FAM131A: variants seen among roughly 807,000 people sequenced by gnomAD.
FAM131A encodes family with sequence similarity 131 member A, also known as protein FAM131A.
In FAM131A, 24 loss-of-function variants were observed where a neutral mutation model predicts 39.2. The ratio of observed to expected loss-of-function variants is 0.61; its 90% CI spans 0.44 to 0.86. The LOEUF (loss-of-function observed/expected upper bound fraction) is 0.86, where lower values mean the gene tolerates loss of function less well. Ranked by LOEUF, FAM131A falls within the 40% of genes least tolerant of loss-of-function variation. FAM131A has a pLI of 0.00. For missense variants in FAM131A, 373 were observed against 481.2 expected, an observed-to-expected ratio of 0.78 and a Z score of 2.10; for synonymous variants, 202 against 206.8, an observed-to-expected ratio of 0.98 and a Z score of 0.20.
Position 184,346,210 on chromosome 3 carries a change from T to G in FAM131A, c.*1240T>G. The G allele has an allele frequency of 4.2e-6, 1 of 235,966 alleles. No homozygotes were observed. The highest frequency in any genetic ancestry group is 8.5e-6 in the Non-Finnish European group (1 of 117,992). 14.6% of individuals were successfully genotyped at this position (235,966 alleles called of 1,614,324 possible). On this transcript the variant is annotated 3_prime_UTR_variant, in exon 6 of 6. Transcript: ENST00000383847. This position sits in a 1 kb window ranked among gnomAD's most constrained non-coding sequence, Gnocchi z 6.0. Reference sequence around the variant, plus strand: ...TTCTATATATAAGTGGCTCATTAGGTGTTTATTTTGTTCTATTTAAGAATT... The same window carrying G: ...TTCTATATATAAGTGGCTCATTAGGGGTTTATTTTGTTCTATTTAAGAATT...
At position 184,345,561 on chromosome 3, in the gene FAM131A, T is replaced by C; in HGVS notation, c.*591T>C. On this transcript the variant is annotated 3_prime_UTR_variant, in exon 6 of 6. Coordinates refer to ENST00000383847, the MANE Select transcript of FAM131A (RefSeq NM_144635.5). ...ATCGTCTCTAAATCTTCCTCTTTTT[T>C]CCTAAAGACAGAAGGTTTTTGGTCT... 1 of 703,282 alleles carries C rather than the reference T, an allele frequency of 1.4e-6. No homozygotes were observed. Among genetic ancestry groups the C allele is most frequent in the East Asian group, 2.7e-5 (1 of 37,278 alleles). The allele number at this position is 703,282 out of a possible 1,614,324, so 43.6% of individuals were successfully genotyped here.
intron 3 of FAM131A, 90 bp from the exon 4 acceptor site, chr3:184,341,976 A>T (rs746776656): frequency 6.4e-7 from 1 of 1,554,698 alleles, no homozygotes; most frequent in South Asian, 1.1e-5. Flanking sequence ...GTTCACATGG[A>T]TCCTAACTAC....
At position 184,342,792 on chromosome 3, in the gene FAM131A, C is replaced by T; in HGVS notation, c.557C>T (p.Ser186Phe). 1 of 1,614,012 alleles carries T rather than the reference C, an allele frequency of 6.2e-7. No homozygotes were observed. Among genetic ancestry groups the T allele is most frequent in the Non-Finnish European group, 8.5e-7 (1 of 1,179,934 alleles). ...GCGGAAGCCAAGCTCCGAGCATGGT[C>T]TTCGGTGGATGGCGAGGACTCCACT... The part of the protein sequence containing the change: ...AIAEAKLRAW[S>F]SVDGEDSTDD... The change falls in exon 5 of 6, where the codon TCT becomes TTT. Residue 186 changes from serine to phenylalanine, a missense_variant. Around this residue, in one of 2 missense-constraint regions of FAM131A, gnomAD observed 221 missense variants for 347.7 expected, o/e 0.64. Coordinates refer to ENST00000383847, the MANE Select transcript of FAM131A (RefSeq NM_144635.5). This position sits in a 1 kb window ranked among gnomAD's most constrained non-coding sequence, Gnocchi z 4.6.
chr3:184,342,924 A>T lies in FAM131A; in HGVS notation c.625+64A>T. 1 of 1,382,692 alleles carries T rather than the reference A, an allele frequency of 7.2e-7. No individual in the cohort carries two copies. The highest frequency in any genetic ancestry group is 1.2e-5 in the South Asian group (1 of 85,256). The allele number at this position is 1,382,692 out of a possible 1,614,324, so 85.7% of individuals were successfully genotyped here. On this transcript the variant is annotated intron_variant, in intron 5 of 5. Coordinates refer to ENST00000383847, the MANE Select transcript of FAM131A (RefSeq NM_144635.5). The surrounding 1 kb of genome is among the most constrained non-coding windows in gnomAD (Gnocchi z 4.6). ...CTGATAGACCTTGGCATTCTTTCAG[A>T]GCCACATCCAGAACACTCTCAGCCT...
rs1180776527 is a variant in FAM131A, at chr3:184,342,745, A to G, written c.510A>G (p.Gly170=). The stretch of plus-strand genomic sequence containing the variant: ...TTATGCATTCTGTCCCTGCGACAGG[A>G]GTGGCTGAGCAGTTTGCCATCGCGG... The part of the protein sequence containing the change: ...EGEQEARFAA[G]VAEQFAIAEA... Residue 170 remains glycine (G), a splice_region_variant and synonymous_variant, in exon 5 of 6, where the codon GGA becomes GGG. Transcript: ENST00000383847. This position sits in a 1 kb window ranked among gnomAD's most constrained non-coding sequence, Gnocchi z 4.6. 6.2e-7 allele frequency: 1 copy of G among 1,612,552 alleles called. No homozygotes were observed. The highest frequency in any genetic ancestry group is 1.7e-5 in the Admixed American group (1 of 59,978).
rs927106899 is a variant in FAM131A at position 184,346,135 on chromosome 3, T to G, written c.*1165T>G. 5.2e-6 allele frequency: 1 copy of G among 192,182 alleles called. No individual in the cohort carries two copies. The highest frequency in any genetic ancestry group is 2.4e-5 in the African/African-American group (1 of 42,354). The allele number at this position is 192,182 out of a possible 1,614,324, so 11.9% of individuals were successfully genotyped here. ...TTAGAATTAAGGGCCTTGTAGGCTT[T>G]GGCAGGTAAGAGGGCCCAAGGTAAG... On this transcript the variant is annotated 3_prime_UTR_variant, in exon 6 of 6. Coordinates refer to ENST00000383847, the MANE Select transcript of FAM131A (RefSeq NM_144635.5). This position sits in a 1 kb window ranked among gnomAD's most constrained non-coding sequence, Gnocchi z 6.0.
In FAM131A at chr3:184,344,793, G is replaced by A. The variant is rs145026576; in HGVS notation, c.924G>A (p.Ser308=). ...PLEAQDSLYN[S]PLTESCLSPA... ...AGGCCCAGGACTCACTCTACAACTCGCCCCTCACAGAGTCCTGCCTTTCCC... is the reference window on the plus strand; with the variant it reads ...AGGCCCAGGACTCACTCTACAACTCACCCCTCACAGAGTCCTGCCTTTCCC... The change falls in exon 6 of 6, where the codon TCG becomes TCA. Residue 308 remains serine (S), a synonymous_variant. Coordinates refer to ENST00000383847, the MANE Select transcript of FAM131A (RefSeq NM_144635.5). 149 of 1,612,082 alleles carry A rather than the reference G, an allele frequency of 9.2e-5. 2 individuals carry two copies. In the East Asian group the frequency reaches 2.5e-3, roughly 27 times the overall value.
chr3:184,345,106 TG>T lies in FAM131A; in HGVS notation c.*137del, dbSNP rs1727580341. On this transcript the variant is annotated 3_prime_UTR_variant, in exon 6 of 6. Transcript: ENST00000383847. ...CTCCTGGGAGCGCTCGCTTCTCCGT[TG>T]TGTGTTTTGCATGAAAGTGTTTGGA... 2 of 839,208 alleles carry T rather than the reference TG, an allele frequency of 2.4e-6. No individual in the cohort carries two copies. The highest frequency in any genetic ancestry group is 6.3e-5 in the Admixed American group (2 of 31,732). The allele number at this position is 839,208 out of a possible 1,614,324, so 52.0% of individuals were successfully genotyped here.
At chr3:184,343,400 T>C (rs1727471837) in intron 5 of FAM131A, among the ~76,000 whole-genome samples, 1 of 152,234 alleles carries the variant, frequency 6.6e-6, no homozygotes, top group Non-Finnish European at 1.5e-5. Context: ...TCTGGGCCAG[T>C]GCTTGCAGAG....
chr3:184,337,958 C>G (rs1727192992), intron 1 of FAM131A, among the ~76,000 whole-genome samples: 1 of 152,084 alleles, frequency 6.6e-6, no homozygotes, highest in Admixed American at 6.6e-5. Flanking sequence ...CCAGCTGAGG[C>G]TGGCGAGAGG....
Position 184,342,694 on chromosome 3 carries a change from C to T in FAM131A, c.509-50C>T. ...TCCTCTCTCCTGTCTTCAAGCTGAG[C>T]CCTAGACTTAGCTCACCTTCTCTGC... On this transcript the variant is annotated intron_variant, in intron 4 of 5. Coordinates refer to ENST00000383847, the MANE Select transcript of FAM131A (RefSeq NM_144635.5). This position sits in a 1 kb window ranked among gnomAD's most constrained non-coding sequence, Gnocchi z 4.6. 6.6e-7 allele frequency: 1 copy of T among 1,524,326 alleles called. No homozygotes were observed. The highest frequency in any genetic ancestry group is 9.1e-7 in the Non-Finnish European group (1 of 1,103,662). The allele number at this position is 1,524,326 out of a possible 1,614,324, so 94.4% of individuals were successfully genotyped here.
At position 184,344,765 on chromosome 3, in the gene FAM131A, T is replaced by C. The variant is rs1471710599; in HGVS notation, c.896T>C (p.Leu299Pro). Residue 299 changes from leucine to proline, a missense_variant, in exon 6 of 6, where the codon CTG becomes CCG. Physicochemically the swap from Leu to Pro is moderately conservative, Grantham distance 98. Around this residue, in one of 2 missense-constraint regions of FAM131A, gnomAD observed 152 missense variants for 133.5 expected, o/e 1.14. Coordinates refer to ENST00000383847, the MANE Select transcript of FAM131A (RefSeq NM_144635.5). ...RESAFRSLGP[L>P]EAQDSLYNSP... ...AGTGCCTTCCGCAGCCTGGGCCCAC[T>C]GGAGGCCCAGGACTCACTCTACAAC... is the stretch of plus-strand genomic sequence containing the variant. 2.5e-6 allele frequency: 4 copies of C among 1,612,194 alleles called. No individual in the cohort carries two copies. The highest frequency in any genetic ancestry group is 3.4e-6 in the Non-Finnish European group (4 of 1,179,936).
chr3:184,338,355 C>T (rs1200511295), intron 1 of FAM131A, 32 bp from the exon 2 acceptor site: 3 of 1,419,100 alleles, frequency 2.1e-6, no homozygotes, highest in Middle Eastern at 1.8e-4. Flanking sequence ...GAAGTAGGGG[C>T]ACAGCTCAAC....
In FAM131A at chr3:184,342,886, G is replaced by A. The variant is rs1560243402; in HGVS notation, c.625+26G>A. The A allele has an allele frequency of 2.5e-6, 4 of 1,580,444 alleles. No individual in the cohort carries two copies. Among genetic ancestry groups the A allele is most frequent in the Non-Finnish European group, 3.5e-6 (4 of 1,150,732 alleles). On this transcript the variant is annotated intron_variant, in intron 5 of 5. Coordinates refer to ENST00000383847, the MANE Select transcript of FAM131A (RefSeq NM_144635.5). This position sits in a 1 kb window ranked among gnomAD's most constrained non-coding sequence, Gnocchi z 4.6. The stretch of plus-strand genomic sequence containing the variant: ...GTGAGGGACATCCTGGGCTAGGGCT[G>A]TGGTGGACCCACCTGATAGACCTTG...
Position 184,342,107 on chromosome 3 carries a change from G to T in FAM131A, c.367G>T (p.Ala123Ser), listed in dbSNP as rs868687142. 1 of 1,614,184 alleles carries T rather than the reference G, an allele frequency of 6.2e-7. No individual in the cohort carries two copies. Among genetic ancestry groups the T allele is most frequent in the African/African-American group, 1.3e-5 (1 of 75,046 alleles). ...GAAGGACCACGTGACCAAGCCTACC[G>T]CCATGGCCCAGGGCCGAGTGGCTCA... ...VVKDHVTKPT[A>S]MAQGRVAHLI... The change falls in exon 4 of 6, where the codon GCC (alanine) becomes TCC (serine). Residue 123 changes from alanine (A) to serine (S), a missense_variant. Transcript: ENST00000383847. The surrounding 1 kb of genome is among the most constrained non-coding windows in gnomAD (Gnocchi z 4.6).
intron 2 of FAM131A, chr3:184,339,390 C>T (rs1185508314): frequency 6.6e-6 from 1 of 152,258 alleles, no homozygotes; most frequent in Admixed American, 6.5e-5. Context: ...AGTTCCTTTT[C>T]CTGGAGGCAG....
In FAM131A at chr3:184,338,755, G is replaced by A. The variant is rs534955077; in HGVS notation, c.231+226G>A. On this transcript the variant is annotated intron_variant, in intron 2 of 5. Coordinates refer to ENST00000383847, the MANE Select transcript of FAM131A (RefSeq NM_144635.5). ...TCCGCGCTGACGTCAGCGCATCCCG[G>A]GCCGTATCCCGGGAGACCCTGTTGC... 5.1e-4 allele frequency: 262 copies of A among 517,718 alleles called. 6 individuals carry two copies. The South Asian group carries it at 5.4e-3, about 11-fold the overall frequency. The allele number at this position is 517,718 out of a possible 1,614,324, so 32.1% of individuals were successfully genotyped here.
rs1490526955 is a variant in FAM131A at position 184,338,678 on chromosome 3, G to C, written c.231+149G>C. 17 of 1,014,616 alleles carry C rather than the reference G, an allele frequency of 1.7e-5. No homozygotes were observed. The Admixed American group carries it at 4.1e-4, about 24-fold the overall frequency. 62.9% of individuals were successfully genotyped at this position (1,014,616 alleles called of 1,614,324 possible). A position where few individuals can be genotyped will look rare whatever the true frequency, so the allele number is the denominator to read the frequency against. ...GGCGGCGGGCCGGGAGGCCGCCCCC[G>C]TGCCGGTCTGCTCTGCTCGGCGCTG... is the stretch of plus-strand genomic sequence containing the variant. On this transcript the variant is annotated intron_variant, in intron 2 of 5. Transcript: ENST00000383847.
chr3:184,345,398 C>A lies in FAM131A; in HGVS notation c.*428C>A. The A allele has an allele frequency of 1.6e-6, 1 of 631,082 alleles. No homozygotes were observed. The highest frequency in any genetic ancestry group is 3.5e-4 in the Middle Eastern group (1 of 2,844). The allele number at this position is 631,082 out of a possible 1,614,324, so 39.1% of individuals were successfully genotyped here. ...CTCTTCTCTGCTTTTCTTCTCACTT[C>A]CGAGTCCATGTGCAGTGCTTGATAG... On this transcript the variant is annotated 3_prime_UTR_variant, in exon 6 of 6. Transcript: ENST00000383847.
Sources: gnomAD v4.1 joint callset for allele counts (sites outside exome capture counted in the v4.1 genomes callset) on GRCh38, gnomAD v4.1.1 for gene constraint, gnomAD v4.1.1 regional missense constraint, Gnocchi (gnomAD v3.1) non-coding constraint, MANE v1.5 for transcripts, NCBI Gene and HGNC (gene_info 2026-07-23, HGNC 2026-07-21) for gene names.